Variants in LRRC4C observed in about 807,000 individuals in gnomAD.
LRRC4C encodes the protein leucine-rich repeat-containing protein 4C.
LRRC4C carries 5 observed loss-of-function variants against 33.6 expected under a neutral mutation model. That is an observed-to-expected ratio of 0.15 (90% confidence interval 0.08 to 0.31). LRRC4C has a LOEUF of 0.31. Ranked by LOEUF, LRRC4C falls within the 10% of genes least tolerant of loss-of-function variation. The pLI, the probability that LRRC4C is intolerant of heterozygous loss-of-function variation, is 1.00. For missense variants in LRRC4C, 560 were observed against 796.7 expected, an observed-to-expected ratio of 0.70 and a Z score of 3.58; for synonymous variants, 329 against 302.0, an observed-to-expected ratio of 1.09 and a Z score of -0.93.
intron 2 of LRRC4C, among the ~76,000 whole-genome samples, chr11:40,858,510 CA>C (rs768845777): frequency 6.6e-6 from 1 of 151,816 alleles, no homozygotes; most frequent in Non-Finnish European, 1.5e-5. Flanking sequence ...GCCTGGCCAA[CA>C]TGGTGAAATC....
intron 1 of LRRC4C, among the ~76,000 whole-genome samples, chr11:41,258,411 C>G (rs1948870895): frequency 6.6e-6 from 1 of 151,790 alleles, no homozygotes; most frequent in South Asian, 2.1e-4. Context: ...TTGAATAGGC[C>G]AGGACAAGTA....
intron 1 of LRRC4C, among the ~76,000 whole-genome samples, chr11:41,340,624 C>T (rs1052204220): frequency 1.3e-5 from 2 of 152,104 alleles, no homozygotes; most frequent in Non-Finnish European, 1.5e-5. Context: ...AACTCAGAGA[C>T]CTAGGATCAT....
intron 1 of LRRC4C, among the ~76,000 whole-genome samples, chr11:41,283,354 C>T (rs116920345): frequency 1.6e-3 from 239 of 152,174 alleles, no homozygotes; most frequent in Non-Finnish European, 2.8e-3. Context: ...GTATTTGAAA[C>T]GACCTAAATA....
chr11:41,370,866 CA>C (rs1314758708), intron 1 of LRRC4C, among the ~76,000 whole-genome samples: 1 of 152,070 alleles, frequency 6.6e-6, no homozygotes, highest in Non-Finnish European at 1.5e-5. Flanking sequence ...AAAACAAACA[CA>C]AATACATTTT....
intron 1 of LRRC4C, among the ~76,000 whole-genome samples, chr11:40,992,431 G>C (rs1853647344): frequency 7.8e-6 from 1 of 128,610 alleles, no homozygotes; most frequent in African/African-American, 2.6e-5. Context: ...ATAAACAAAA[G>C]TGGTTTTTTT....
intron 1 of LRRC4C, among the ~76,000 whole-genome samples, chr11:41,187,389 G>A (rs1195473855): frequency 6.6e-6 from 1 of 152,132 alleles, no homozygotes; most frequent in Non-Finnish European, 1.5e-5. Flanking sequence ...TGGCGAAAGA[G>A]CACACCAGCA....
At chr11:40,829,134 T>C (rs1267746282) in intron 2 of LRRC4C, among the ~76,000 whole-genome samples, 1 of 152,030 alleles carries the variant, frequency 6.6e-6, no homozygotes, top group African/African-American at 2.4e-5. Context: ...ACTAGATATC[T>C]TGTTTTGAAG....
At chr11:40,445,036 C>T (rs776787383) in intron 3 of LRRC4C, among the ~76,000 whole-genome samples, 1 of 152,178 alleles carries the variant, frequency 6.6e-6, no homozygotes. Context: ...GGTCATCTGA[C>T]CTTCATCCCC....
At chr11:40,643,024 C>T (rs1942218909) in intron 3 of LRRC4C, among the ~76,000 whole-genome samples, 1 of 152,158 alleles carries the variant, frequency 6.6e-6, no homozygotes, top group South Asian at 2.1e-4. Flanking sequence ...TTAAGAGGAT[C>T]TTGAAAAGTA....
At chr11:40,451,819 T>C (rs1951901189) in intron 3 of LRRC4C, among the ~76,000 whole-genome samples, 1 of 152,178 alleles carries the variant, frequency 6.6e-6, no homozygotes, top group East Asian at 1.9e-4. Flanking sequence ...AGAGTCAAGA[T>C]GGCTGAATAG....
chr11:41,016,929 G>T (rs7114370), intron 1 of LRRC4C, among the ~76,000 whole-genome samples: 83,984 of 151,962 alleles, frequency 0.55, 23,630 homozygotes, highest in South Asian at 0.63. Flanking sequence ...GAAGGAATTG[G>T]AAGGATTTTC....
intron 1 of LRRC4C, among the ~76,000 whole-genome samples, chr11:40,959,025 C>G (rs1959079019): frequency 6.6e-6 from 1 of 151,590 alleles, no homozygotes; most frequent in Non-Finnish European, 1.5e-5. Flanking sequence ...TTCAGAGCAG[C>G]CCAGGAGCAG....
intron 3 of LRRC4C, among the ~76,000 whole-genome samples, chr11:40,333,691 A>G (rs1378528715): frequency 7.2e-6 from 1 of 138,036 alleles, no homozygotes; most frequent in Non-Finnish European, 1.5e-5. Flanking sequence ...CACTCCAGCC[A>G]GTGGGACAAG....
At chr11:41,025,265 G>C (rs1292639068) in intron 1 of LRRC4C, among the ~76,000 whole-genome samples, 1 of 151,654 alleles carries the variant, frequency 6.6e-6, no homozygotes, top group East Asian at 1.9e-4. Flanking sequence ...AGCCAAGATA[G>C]ATATGTTAAA....
At chr11:40,302,195 T>TA (rs1419804777) in intron 4 of LRRC4C, among the ~76,000 whole-genome samples, 1 of 152,188 alleles carries the variant, frequency 6.6e-6, no homozygotes, top group Non-Finnish European at 1.5e-5. Flanking sequence ...GGGTGACTGT[T>TA]ACGTGAGTGA....
intron 4 of LRRC4C, among the ~76,000 whole-genome samples, chr11:40,299,681 G>T (rs779232260): frequency 3.3e-5 from 5 of 152,214 alleles, no homozygotes; most frequent in Admixed American, 6.5e-5. Flanking sequence ...GACCTATGTT[G>T]CTTAACACAG....
intron 2 of LRRC4C, among the ~76,000 whole-genome samples, chr11:40,781,223 G>T (rs1483314234): frequency 2.6e-5 from 4 of 151,942 alleles, no homozygotes; most frequent in African/African-American, 9.7e-5. Context: ...TAAAATCAGG[G>T]TATTATAATT....
intron 6 of LRRC4C, among the ~76,000 whole-genome samples, chr11:40,118,321 AT>A (rs1855586376): frequency 6.6e-6 from 1 of 151,714 alleles, no homozygotes; most frequent in Non-Finnish European, 1.5e-5. Flanking sequence ...TGTGGGAGGT[AT>A]TGTTCTAAGT....
At chr11:40,326,828 T>G (rs1371634813) in intron 3 of LRRC4C, among the ~76,000 whole-genome samples, 1 of 152,158 alleles carries the variant, frequency 6.6e-6, no homozygotes, top group Non-Finnish European at 1.5e-5. Context: ...TCTGAGTTTT[T>G]TAAAGATGAT....
Sources: allele counts gnomAD v4.1 joint callset (sites outside exome capture counted in the v4.1 genomes callset), GRCh38; gene constraint gnomAD v4.1.1; transcripts MANE v1.5; gene names NCBI Gene and HGNC (gene_info 2026-07-23, HGNC 2026-07-21).